The following ARMC3 variants were observed in gnomAD, a reference collection of about 807,000 sequenced individuals.
ARMC3 encodes armadillo repeat containing 3.
ARMC3 carries 74 observed loss-of-function variants against 90.3 expected under a neutral mutation model. The observed-to-expected ratio is 0.82, with a 90% CI of 0.68 to 0.99. The LOEUF (loss-of-function observed/expected upper bound fraction) is 0.99. ARMC3 is among the 50% of genes least tolerant of loss of function. The pLI is 0.00. For missense variants in ARMC3, 958 were observed against 1,042.8 expected, an observed-to-expected ratio of 0.92 and a Z score of 1.12; for synonymous variants, 334 against 361.8, an observed-to-expected ratio of 0.92 and a Z score of 0.87.
At position 23,010,329 on chromosome 10, in the gene ARMC3, T is replaced by C. The variant is rs1837871594; in HGVS notation, c.2045+1398T>C. On this transcript the variant is annotated intron_variant, in intron 16 of 18. Transcript: ENST00000298032. ...CTCTCTCCCCTTCCTTCCCATTCCCTGACCTACCCTCTTATCTCTCCTTCC... is the reference window on the plus strand; with the variant it reads ...CTCTCTCCCCTTCCTTCCCATTCCCCGACCTACCCTCTTATCTCTCCTTCC... 2.3e-5 allele frequency among the ~76,000 whole-genome samples: 3 copies of C among 128,034 alleles called. 1 individual carries two copies. The South Asian group carries it at 9.4e-4, about 40-fold the overall frequency. The allele number at this position is 128,034 out of a possible 152,430, so 84.0% of individuals were successfully genotyped here. A position where few individuals can be genotyped will look rare whatever the true frequency, so the allele number is the denominator to read the frequency against.
intron 16 of ARMC3, among the ~76,000 whole-genome samples, chr10:23,027,847 C>T (rs563596090): frequency 3.5e-4 from 53 of 152,040 alleles, no homozygotes; most frequent in African/African-American, 1.3e-3. Flanking sequence ...TTTTTTCAAT[C>T]TTTTGTTTTC....
chr10:23,013,599 A>C (rs189867230), intron 16 of ARMC3, among the ~76,000 whole-genome samples: 1 of 152,232 alleles, frequency 6.6e-6, no homozygotes, highest in East Asian at 1.9e-4. Flanking sequence ...GTTCTCTTTC[A>C]TTTTTTGTAG....
At chr10:22,931,247 G>C (rs1256745950) in intron 1 of ARMC3, among the ~76,000 whole-genome samples, 1 of 152,136 alleles carries the variant, frequency 6.6e-6, no homozygotes, top group East Asian at 1.9e-4. Flanking sequence ...TTGAACCCAG[G>C]CTGGTTACTC....
intron 2 of ARMC3, among the ~76,000 whole-genome samples, chr10:22,933,778 G>A (rs565897040): frequency 6.6e-6 from 1 of 152,118 alleles, no homozygotes; most frequent in African/African-American, 2.4e-5. Flanking sequence ...CCAGCTACTC[G>A]GGAGGCTGAA....
chr10:22,973,089 T>A (rs115218564), intron 8 of ARMC3, among the ~76,000 whole-genome samples: 2,798 of 151,590 alleles, frequency 0.018, 94 homozygotes, highest in African/African-American at 0.065. Context: ...ACACCAGGAG[T>A]TCAAGACCAG....
At chr10:22,974,675 C>T (rs1835840284) in intron 8 of ARMC3, among the ~76,000 whole-genome samples, 6 of 151,778 alleles carry the variant, frequency 4.0e-5, no homozygotes. Flanking sequence ...CTGAGTCTCG[C>T]TCTGTTGCCC....
At chr10:22,975,312 T>G (rs992070510) in intron 8 of ARMC3, among the ~76,000 whole-genome samples, 1 of 152,174 alleles carries the variant, frequency 6.6e-6, no homozygotes, top group Non-Finnish European at 1.5e-5. Context: ...CCCAGCGGTT[T>G]GGGAGGCCGA....
chr10:22,970,581 C>T (rs1208357576), intron 8 of ARMC3, among the ~76,000 whole-genome samples: 1 of 152,132 alleles, frequency 6.6e-6, no homozygotes, highest in Non-Finnish European at 1.5e-5. Flanking sequence ...TGTTTAGGAC[C>T]AGACACAGAA....
intron 16 of ARMC3, among the ~76,000 whole-genome samples, chr10:23,028,685 A>C (rs1181839221): frequency 4.6e-5 from 7 of 152,178 alleles, no homozygotes. Context: ...TTGAATTTTC[A>C]AAGTCTTTGC....
Position 23,005,009 on chromosome 10 carries a change from C to T in ARMC3, c.1731+1595C>T, listed in dbSNP as rs556638625. On this transcript the variant is annotated intron_variant, in intron 13 of 18. Transcript: ENST00000298032. ...AGGTGGGCGGATCACGAGGTCAGAT[C>T]GAGACCATCCTGGCTAACACGGTGG... Among the ~76,000 whole-genome samples the T allele has an allele frequency of 1.1e-4, 14 of 122,088 alleles. No homozygotes were observed. In the East Asian group the frequency reaches 3.2e-3, roughly 28 times the overall value. 80.1% of individuals were successfully genotyped at this position (122,088 alleles called of 152,430 possible). A position where few individuals can be genotyped will look rare whatever the true frequency, so the allele number is the denominator to read the frequency against.
chr10:22,947,313 A>AAACC (rs1834568821), intron 3 of ARMC3, among the ~76,000 whole-genome samples: 1 of 136,466 alleles, frequency 7.3e-6, no homozygotes, highest in Non-Finnish European at 1.5e-5. Context: ...CTCAAAAAAC[A>AAACC]AACCAACCAA....
In ARMC3 at chr10:23,003,338, T is replaced by C; in HGVS notation, c.1655T>C (p.Leu552Pro). 1 of 1,613,480 alleles carries C rather than the reference T, an allele frequency of 6.2e-7. No homozygotes were observed. Among genetic ancestry groups the C allele is most frequent in the South Asian group, 1.1e-5 (1 of 90,846 alleles). The change falls in exon 13 of 19, where the codon CTT becomes CCT. Residue 552 changes from leucine to proline, a missense_variant. By Grantham distance (98) the Leu-to-Pro change is moderately conservative. Transcript: ENST00000298032. ...AAYNKLLNNN[L>P]SLKYSQTGYL... ...TATAATAAGTTGCTCAATAACAATCTTTCCCTGAAATACAGCCAGACTGGC... is the reference window on the plus strand; with the variant it reads ...TATAATAAGTTGCTCAATAACAATCCTTCCCTGAAATACAGCCAGACTGGC...
chr10:22,992,624 C>T (rs1836760846), intron 10 of ARMC3, among the ~76,000 whole-genome samples: 1 of 152,118 alleles, frequency 6.6e-6, no homozygotes, highest in South Asian at 2.1e-4. Flanking sequence ...GTTTTGTCAA[C>T]CTGGAGTTCA....
At chr10:22,961,226 C>T (rs924833619) in intron 6 of ARMC3, 9 of 151,964 alleles carry the variant, frequency 5.9e-5, no homozygotes, top group African/African-American at 2.2e-4. Context: ...TTATATTTAC[C>T]ATGTTTTGAT....
Position 23,008,364 on chromosome 10 carries a change from G to T in ARMC3, c.1918G>T (p.Glu640Ter), listed in dbSNP as rs1377941927. 2.2e-5 allele frequency: 32 copies of T among 1,456,844 alleles called. No homozygotes were observed. Among genetic ancestry groups the T allele is most frequent in the Non-Finnish European group, 2.8e-5 (30 of 1,059,370 alleles). The allele number at this position is 1,456,844 out of a possible 1,614,324, so 90.2% of individuals were successfully genotyped here. A position where few individuals can be genotyped will look rare whatever the true frequency, so the allele number is the denominator to read the frequency against. Residue 640 changes from glutamate to a stop codon, truncating the protein, a stop_gained, in exon 15 of 19, where the codon GAA (glutamate) becomes TAA (stop). Transcript: ENST00000298032. LOFTEE classifies it high-confidence loss of function. ...ATCTTCCTTAAGAAGATCAAGTAAAGAAAAGAACAAGTAAGAAAATGATGT... is the reference window on the plus strand; with the variant it reads ...ATCTTCCTTAAGAAGATCAAGTAAATAAAAGAACAAGTAAGAAAATGATGT... ...SSSSLRRSSK[E>*]KNKKNSYHFS...
chr10:22,933,742 G>A (rs964813615), intron 2 of ARMC3, among the ~76,000 whole-genome samples: 2 of 152,130 alleles, frequency 1.3e-5, no homozygotes, highest in African/African-American at 4.8e-5. Context: ...AAAATTAGCC[G>A]GGGGTGGTGG....
intron 3 of ARMC3, among the ~76,000 whole-genome samples, chr10:22,952,337 A>T (rs1834767636): frequency 6.6e-6 from 1 of 152,204 alleles, no homozygotes; most frequent in Non-Finnish European, 1.5e-5. Flanking sequence ...TATCCATATC[A>T]GGAGTGGGAG....
At position 22,940,355 on chromosome 10, in the gene ARMC3, T is replaced by C. The variant is rs558106695; in HGVS notation, c.49-5789T>C. Among the ~76,000 whole-genome samples, 34 of 152,340 alleles carry C rather than the reference T, an allele frequency of 2.2e-4. No homozygotes were observed. In the South Asian group the frequency reaches 3.7e-3, roughly 17 times the overall value. On this transcript the variant is annotated intron_variant, in intron 2 of 18. Transcript: ENST00000298032. ...CAAAATAAAATCAATACCTATATGC[T>C]GAAAACTATAAAACATTTCTGAGAC...
At chr10:23,010,923 CCCTCCCCCTT>C (rs1837973225) in intron 16 of ARMC3, among the ~76,000 whole-genome samples, 4 of 49,018 alleles carry the variant, frequency 8.2e-5, no homozygotes, top group Non-Finnish European at 2.4e-4. Context: ...TTCTTCCCTT[CCCTCCCCCTT>C]CCTTCCTTTC....
Sources: allele counts gnomAD v4.1 joint callset (sites outside exome capture counted in the v4.1 genomes callset), GRCh38; gene constraint gnomAD v4.1.1; transcripts MANE v1.5; gene names NCBI Gene and HGNC (gene_info 2026-07-23, HGNC 2026-07-21).